Variants in TBC1D12 observed in about 807,000 individuals in gnomAD.
TBC1D12 encodes the protein TBC1 domain family, member 12.
A neutral mutation model predicts 86.7 loss-of-function variants in TBC1D12; 56 were observed. The ratio of observed to expected loss-of-function variants is 0.65; its 90% CI spans 0.52 to 0.81. The LOEUF (loss-of-function observed/expected upper bound fraction) is 0.81. Among genes scored for constraint, TBC1D12 ranks in the 30% least tolerant of loss-of-function variants. The probability of loss-of-function intolerance (pLI) is 0.00; values close to 1 mark genes in which losing one functional copy is unlikely to be tolerated. For synonymous variants in TBC1D12, 421 were observed against 411.7 expected, an observed-to-expected ratio of 1.02 and a Z score of -0.27; for missense variants, 1,023 against 1,038.8, an observed-to-expected ratio of 0.98 and a Z score of 0.21.
At chr10:94,506,944 G>A (rs1052376657) in intron 6 of TBC1D12, among the ~76,000 whole-genome samples, 1 of 152,156 alleles carries the variant, frequency 6.6e-6, no homozygotes, top group Non-Finnish European at 1.5e-5. Flanking sequence ...AAATGGCAGA[G>A]CCAGAATTTG....
intron 2 of TBC1D12, among the ~76,000 whole-genome samples, chr10:94,462,459 A>G (rs1490117137): frequency 6.6e-6 from 1 of 152,160 alleles, no homozygotes; most frequent in Non-Finnish European, 1.5e-5. Context: ...AATGTCTTAG[A>G]CATTGTCAGA....
Position 94,478,002 on chromosome 10 carries a change from T to G in TBC1D12, c.1211+3219T>G, listed in dbSNP as rs368265146. On this transcript the variant is annotated intron_variant, in intron 3 of 12. Coordinates refer to ENST00000225235, the MANE Select transcript of TBC1D12 (RefSeq NM_015188.2). ...ACTTGTAGAAAAGAAACAGAGGAGCTAGGCATGGTGGCTCACATCTATAAT... is the reference window on the plus strand; with the variant it reads ...ACTTGTAGAAAAGAAACAGAGGAGCGAGGCATGGTGGCTCACATCTATAAT... Among the ~76,000 whole-genome samples the G allele has an allele frequency of 9.6e-4, 146 of 152,274 alleles. 5 individuals are homozygous for G. In the South Asian group the frequency reaches 0.03, roughly 31 times the overall value.
At chr10:94,513,991 T>C (rs2056556536) in intron 9 of TBC1D12, among the ~76,000 whole-genome samples, 1 of 149,666 alleles carries the variant, frequency 6.7e-6, no homozygotes, top group South Asian at 2.1e-4. Context: ...CTGTGAAATG[T>C]ACAGAACTCA....
intron 6 of TBC1D12, among the ~76,000 whole-genome samples, chr10:94,501,915 G>A (rs1176205348): frequency 6.6e-6 from 1 of 152,086 alleles, no homozygotes; most frequent in Non-Finnish European, 1.5e-5. Context: ...TGTAGTCCTA[G>A]CTACTTGGGA....
intron 2 of TBC1D12, among the ~76,000 whole-genome samples, chr10:94,459,466 C>G (rs2055688312): frequency 6.6e-6 from 1 of 152,262 alleles, no homozygotes; most frequent in Admixed American, 6.5e-5. Flanking sequence ...GCGGGTGGAG[C>G]TGCCCGCCAG....
intron 2 of TBC1D12, among the ~76,000 whole-genome samples, chr10:94,466,812 A>AT (rs2055831788): frequency 6.6e-6 from 1 of 152,070 alleles, no homozygotes; most frequent in Admixed American, 6.6e-5. Context: ...GATTTCACCA[A>AT]TTTTTCTATT....
Position 94,471,550 on chromosome 10 carries a change from G to A in TBC1D12, c.1096-3118G>A, listed in dbSNP as rs1015958193. On this transcript the variant is annotated intron_variant, in intron 2 of 12. Transcript: ENST00000225235. ...ATTTTTCCTATTCAGTGAGATTAAT[G>A]TGTTTCCCTGATCCATGCCTTTGTT... 2.6e-5 allele frequency among the ~76,000 whole-genome samples: 4 copies of A among 152,200 alleles called. No individual in the cohort carries two copies. The South Asian group carries it at 8.3e-4, about 32-fold the overall frequency.
chr10:94,466,136 TTGTAAGAACCTTACA>T (rs144692728), intron 2 of TBC1D12, among the ~76,000 whole-genome samples: 1,562 of 152,106 alleles, frequency 0.01, 23 homozygotes, highest in East Asian at 0.059. Context: ...GGTCTTAGTT[TTGTAAGAACCTTACA>T]TGTAAGAACC....
intron 9 of TBC1D12, among the ~76,000 whole-genome samples, chr10:94,515,271 A>G (rs1192790096): frequency 6.6e-6 from 1 of 151,756 alleles, no homozygotes; most frequent in Non-Finnish European, 1.5e-5. Context: ...ATAGCCATAT[A>G]AAGCAGTCCC....
intron 11 of TBC1D12, among the ~76,000 whole-genome samples, chr10:94,523,623 C>T (rs1842211347): frequency 6.6e-6 from 1 of 151,932 alleles, no homozygotes; most frequent in South Asian, 2.1e-4. Context: ...AATAGCTCAG[C>T]TTTTTACTGT....
chr10:94,482,488 T>G (rs1259154721), intron 3 of TBC1D12, among the ~76,000 whole-genome samples: 1 of 152,050 alleles, frequency 6.6e-6, no homozygotes, highest in African/African-American at 2.4e-5. Context: ...TTTGCTCTTA[T>G]TGCCCAGGCT....
chr10:94,535,877 A>T lies in TBC1D12; in HGVS notation c.*2781A>T, dbSNP rs373656011. On this transcript the variant is annotated 3_prime_UTR_variant, in exon 13 of 13. Transcript: ENST00000225235. ...TATAAAATGTAAATACAAAGAATTCACTAAAAACCACTCATAACAATTACT... is the reference window on the plus strand; with the variant it reads ...TATAAAATGTAAATACAAAGAATTCTCTAAAAACCACTCATAACAATTACT... 2 of 152,190 alleles carry T rather than the reference A, an allele frequency of 1.3e-5. No homozygotes were observed. Among genetic ancestry groups the T allele is most frequent in the Non-Finnish European group, 2.9e-5 (2 of 68,002 alleles). The allele number at this position is 152,190 out of a possible 1,614,324, so 9.4% of individuals were successfully genotyped here. A position where few individuals can be genotyped will look rare whatever the true frequency, so the allele number is the denominator to read the frequency against.
At chr10:94,492,817 G>C (rs1255770558) in intron 3 of TBC1D12, among the ~76,000 whole-genome samples, 1 of 152,142 alleles carries the variant, frequency 6.6e-6, no homozygotes, top group Admixed American at 6.6e-5. Context: ...TTAGTTAGCT[G>C]CACAGGTATA....
At chr10:94,496,654 G>C (rs1418607163) in intron 4 of TBC1D12, among the ~76,000 whole-genome samples, 1 of 151,850 alleles carries the variant, frequency 6.6e-6, no homozygotes, top group Non-Finnish European at 1.5e-5. Flanking sequence ...TTATTTTTCT[G>C]ACCTTTTATT....
chr10:94,473,061 G>A (rs2055931412), intron 2 of TBC1D12, among the ~76,000 whole-genome samples: 1 of 151,994 alleles, frequency 6.6e-6, no homozygotes, highest in East Asian at 1.9e-4. Context: ...TAAGCTTCAA[G>A]AAGATAATCA....
intron 11 of TBC1D12, 25 bp from the exon 12 acceptor site, chr10:94,531,177 T>C (rs1475844187): frequency 1.3e-6 from 2 of 1,592,244 alleles, no homozygotes; most frequent in Non-Finnish European, 1.7e-6. Context: ...AAAATTTCAG[T>C]GACCATTTTT....
intron 2 of TBC1D12, among the ~76,000 whole-genome samples, chr10:94,459,372 T>C (rs1357731340): frequency 1.3e-5 from 2 of 152,204 alleles, no homozygotes; most frequent in Non-Finnish European, 2.9e-5. Context: ...TTTACAAACC[T>C]TTAGCTAGAC....
chr10:94,408,163 T>C (rs1367613084), intron 1 of TBC1D12, among the ~76,000 whole-genome samples: 3 of 152,238 alleles, frequency 2.0e-5, no homozygotes, highest in African/African-American at 7.2e-5. Context: ...TAGACACTTA[T>C]CTGTGTTTCC....
At position 94,511,644 on chromosome 10, in the gene TBC1D12, A is replaced by G; in HGVS notation, c.1751A>G (p.Asp584Gly). 6.2e-7 allele frequency: 1 copy of G among 1,609,926 alleles called. No individual in the cohort carries two copies. Among genetic ancestry groups the G allele is most frequent in the Non-Finnish European group, 8.5e-7 (1 of 1,177,244 alleles). ...ILGAYTCYRPDVGYVQGMSFI... is the reference protein window; with the variant it reads ...ILGAYTCYRPGVGYVQGMSFI... ...GGGGCATACACATGCTACAGGCCTG[A>G]TGTTGGTTATGTAAGTATTTGTTTC... Residue 584 changes from aspartate to glycine, a missense_variant, in exon 9 of 13, where the codon GAT (aspartate) becomes GGT (glycine). Around this residue, in one of 2 missense-constraint regions of TBC1D12, gnomAD observed 395 missense variants for 507.7 expected, o/e 0.78. Transcript: ENST00000225235.
Sources: allele counts gnomAD v4.1 joint callset (sites outside exome capture counted in the v4.1 genomes callset), GRCh38; gene constraint gnomAD v4.1.1; regional missense constraint gnomAD v4.1.1; transcripts MANE v1.5; gene names NCBI Gene and HGNC (gene_info 2026-07-23, HGNC 2026-07-21).